TIMP2: variants seen among roughly 807,000 people sequenced by gnomAD.
The protein encoded by TIMP2 is metalloproteinase inhibitor 2.
TIMP2 carries 5 observed loss-of-function variants against 24.3 expected under a neutral mutation model. The ratio of observed to expected loss-of-function variants is 0.21; its 90% confidence interval spans 0.11 to 0.43. The LOEUF is 0.43. Among genes scored for constraint, TIMP2 ranks in the 20% least tolerant of loss-of-function variants. The pLI, the probability that TIMP2 is intolerant of heterozygous loss-of-function variation, is 1.00. For synonymous variants in TIMP2, 130 were observed against 123.2 expected, an observed-to-expected ratio of 1.06 and a Z score of -0.37; for missense variants, 221 against 297.5, an observed-to-expected ratio of 0.74 and a Z score of 1.89.
chr17:78,891,740 G>T lies in TIMP2; in HGVS notation c.131-17821C>A. The T allele has an allele frequency of 6.4e-7, 1 of 1,551,212 alleles. No individual in the cohort carries two copies. The highest frequency in any genetic ancestry group is 8.7e-7 in the Non-Finnish European group (1 of 1,147,136). On this transcript the variant is annotated intron_variant, in intron 1 of 4. Coordinates refer to ENST00000262768, the MANE Select transcript of TIMP2 (RefSeq NM_003255.5). This position sits in a 1 kb window ranked among gnomAD's most constrained non-coding sequence, Gnocchi z 4.5. ...GATTTCTCCCACAGCAGCCACGAGT[G>T]GGTTTGACCTTTCTAGGTCCGCCCC... is the stretch of plus-strand genomic sequence containing the variant.
chr17:78,925,103 CTGG>C lies in TIMP2; in HGVS notation c.-18_-16del. ...GCGGCGCCCATGGCGGGCCGGGGGG[CTGG>C]GCGGGCGGGGGCCGCCGCTGGGGGG... On this transcript the variant is annotated 5_prime_UTR_variant, in exon 1 of 5. Transcript: ENST00000262768. The C allele has an allele frequency of 1.6e-5, 1 of 64,310 alleles. No individual in the cohort carries two copies. The highest frequency in any genetic ancestry group is 3.0e-5 in the Non-Finnish European group (1 of 33,182). The allele number at this position is 64,310 out of a possible 1,614,324, so 4.0% of individuals were successfully genotyped here.
chr17:78,910,435 C>A (rs932817388), intron 1 of TIMP2, among the ~76,000 whole-genome samples: 1 of 152,202 alleles, frequency 6.6e-6, no homozygotes, highest in Non-Finnish European at 1.5e-5. Flanking sequence ...TCAGGTGATC[C>A]GCCCACCTTG....
chr17:78,892,611 C>T, intron 1 of TIMP2: 1 of 1,171,690 alleles, frequency 8.5e-7, no homozygotes, highest in Non-Finnish European at 1.2e-6. Flanking sequence ...CCAGGGCCCA[C>T]TCTCAGCCTC....
chr17:78,923,396 T>TGGGGGGGGGGGGGGGGGGGGGGG (rs1255104339), intron 1 of TIMP2, among the ~76,000 whole-genome samples: 8 of 47,684 alleles, frequency 1.7e-4, no homozygotes, highest in Admixed American at 4.5e-4. Context: ...TGGGGCGGGG[T>TGGGGGGGGGGGGGGGGGGGGGGG]GGGGGGGGGG....
intron 1 of TIMP2, among the ~76,000 whole-genome samples, chr17:78,886,295 G>T (rs755240336): frequency 3.3e-5 from 5 of 152,110 alleles, no homozygotes; most frequent in Admixed American, 2.0e-4. Flanking sequence ...TTTGAAAATG[G>T]AAACAAAAAT....
rs1361463472 is a variant in TIMP2, at chr17:78,893,248, A to G, written c.131-19329T>C. ...GGGTGTGTGTGCATGTGTGTGTAGG[A>G]GTGTGTGTGCAGGGGTGTGTGTGTA... On this transcript the variant is annotated intron_variant, in intron 1 of 4. Transcript: ENST00000262768. 3.6e-3 allele frequency among the ~76,000 whole-genome samples: 230 copies of G among 63,298 alleles called. 1 individual carries two copies. Among genetic ancestry groups the G allele is most frequent in the African/African-American group, 0.014 (215 of 15,576 alleles). 41.5% of individuals were successfully genotyped at this position (63,298 alleles called of 152,430 possible). A position where few individuals can be genotyped will look rare whatever the true frequency, so the allele number is the denominator to read the frequency against.
At chr17:78,923,396 TGGGGGGGGGGGC>T (rs2070323165) in intron 1 of TIMP2, among the ~76,000 whole-genome samples, 1 of 47,662 alleles carries the variant, frequency 2.1e-5, no homozygotes. Context: ...TGGGGCGGGG[TGGGGGGGGGGGC>T]GGGAGGGGGA....
chr17:78,906,964 T>C (rs1162376251), intron 1 of TIMP2, among the ~76,000 whole-genome samples: 1 of 152,246 alleles, frequency 6.6e-6, no homozygotes, highest in Non-Finnish European at 1.5e-5. Flanking sequence ...CTTGGCTGTT[T>C]GGCACAAAAG....
chr17:78,916,325 C>T (rs1182274498), intron 1 of TIMP2, among the ~76,000 whole-genome samples: 2 of 152,206 alleles, frequency 1.3e-5, no homozygotes, highest in Non-Finnish European at 2.9e-5. Flanking sequence ...CTACTGCTGG[C>T]TCCCTTCCCC....
Position 78,925,178 on chromosome 17 carries a change from G to A in TIMP2, c.-90C>T. The A allele has an allele frequency of 2.4e-6, 1 of 418,002 alleles. No individual in the cohort carries two copies. The highest frequency in any genetic ancestry group is 3.2e-6 in the Non-Finnish European group (1 of 313,678). 25.9% of individuals were successfully genotyped at this position (418,002 alleles called of 1,614,324 possible). A position where few individuals can be genotyped will look rare whatever the true frequency, so the allele number is the denominator to read the frequency against. On this transcript the variant is annotated 5_prime_UTR_variant, in exon 1 of 5. Transcript: ENST00000262768. Reference sequence around the variant, plus strand: ...CGGGCTGGGGGCGCGGGCGGGGGCTGAGCCGGGGCCGAGGCGGGCCCCTCC... The same window carrying A: ...CGGGCTGGGGGCGCGGGCGGGGGCTAAGCCGGGGCCGAGGCGGGCCCCTCC...
At chr17:78,862,563 T>C (rs1027866799) in intron 3 of TIMP2, among the ~76,000 whole-genome samples, 7 of 152,250 alleles carry the variant, frequency 4.6e-5, no homozygotes, top group Non-Finnish European at 1.0e-4. Context: ...ACAATCTTTG[T>C]TGATTTTTAG....
rs139533989 is a variant in TIMP2, at chr17:78,865,906, G to A, written c.340+4992C>T. ...CACTTTTGCACCCAAGAGTCCTTCC[G>A]CAGCGCTGCAGTTTGGCCAGAAAGC... On this transcript the variant is annotated intron_variant, in intron 3 of 4. Transcript: ENST00000262768. Among the ~76,000 whole-genome samples, 1,209 of 152,256 alleles carry A rather than the reference G, an allele frequency of 7.9e-3. 7 individuals carry two copies. The highest frequency in any genetic ancestry group is 0.01 in the Non-Finnish European group (707 of 68,030).
Position 78,896,098 on chromosome 17 carries a change from C to T in TIMP2, c.131-22179G>A, listed in dbSNP as rs1384400385. Among the ~76,000 whole-genome samples, 8 of 152,256 alleles carry T rather than the reference C, an allele frequency of 5.3e-5. 1 individual carries two copies. The highest frequency in any genetic ancestry group is 1.5e-5 in the Non-Finnish European group (1 of 68,048). ...AAGTCTAGAAAATTGCAGCCAGCTC[C>T]ATCCTTCAGGAATCGATCCCCGCTC... On this transcript the variant is annotated intron_variant, in intron 1 of 4. Coordinates refer to ENST00000262768, the MANE Select transcript of TIMP2 (RefSeq NM_003255.5). This position sits in a 1 kb window ranked among gnomAD's most constrained non-coding sequence, Gnocchi z 4.4.
In TIMP2 at chr17:78,896,700, C is replaced by T. The variant is rs1175231047; in HGVS notation, c.131-22781G>A. 2.0e-5 allele frequency among the ~76,000 whole-genome samples: 3 copies of T among 152,152 alleles called. No homozygotes were observed. Among genetic ancestry groups the T allele is most frequent in the Admixed American group, 6.5e-5 (1 of 15,272 alleles). ...TCAGAGAAACCACAGCTCCCCCCTC[C>T]GCAGAAGCCGCGCTCGGAGCAGCAG... is the stretch of plus-strand genomic sequence containing the variant. On this transcript the variant is annotated intron_variant, in intron 1 of 4. Transcript: ENST00000262768. This position sits in a 1 kb window ranked among gnomAD's most constrained non-coding sequence, Gnocchi z 4.4.
At chr17:78,863,880 C>T (rs2069586847) in intron 3 of TIMP2, among the ~76,000 whole-genome samples, 1 of 152,188 alleles carries the variant, frequency 6.6e-6, no homozygotes, top group Non-Finnish European at 1.5e-5. Flanking sequence ...TCAACAACCC[C>T]TCGTGGGGCA....
intron 4 of TIMP2, chr17:78,856,448 T>G (rs1599143147): frequency 6.4e-6 from 1 of 155,328 alleles, no homozygotes; most frequent in South Asian, 2.0e-4. Context: ...CTGGGGGCCG[T>G]CAGGAGGGAG....
In TIMP2 at chr17:78,920,341, C is replaced by T. The variant is rs540346687; in HGVS notation, c.130+4618G>A. On this transcript the variant is annotated intron_variant, in intron 1 of 4. Coordinates refer to ENST00000262768, the MANE Select transcript of TIMP2 (RefSeq NM_003255.5). The surrounding 1 kb of genome is among the most constrained non-coding windows in gnomAD (Gnocchi z 4.5). ...ACAAACGACAGGCCAGGACTGCGTA[C>T]GTGGCTCTGCACCCCCAGAAGGGTG... Among the ~76,000 whole-genome samples the T allele has an allele frequency of 2.6e-5, 4 of 152,336 alleles. No homozygotes were observed. The highest frequency in any genetic ancestry group is 6.5e-5 in the Admixed American group (1 of 15,296).
rs549715207 is a variant in TIMP2, at chr17:78,900,414, A to T, written c.130+24545T>A. Among the ~76,000 whole-genome samples the T allele has an allele frequency of 6.6e-5, 10 of 152,138 alleles. No individual in the cohort carries two copies. In the South Asian group the frequency reaches 2.1e-3, roughly 32 times the overall value. On this transcript the variant is annotated intron_variant, in intron 1 of 4. Coordinates refer to ENST00000262768, the MANE Select transcript of TIMP2 (RefSeq NM_003255.5). Reference sequence around the variant, plus strand: ...CAAAAAATTAGCCAGGTGTGGTGGTATATGCCTGTAATCCCAGCTACTCAG... The same window carrying T: ...CAAAAAATTAGCCAGGTGTGGTGGTTTATGCCTGTAATCCCAGCTACTCAG...
chr17:78,888,115 G>A (rs572059745), intron 1 of TIMP2, among the ~76,000 whole-genome samples: 17 of 151,642 alleles, frequency 1.1e-4, no homozygotes, highest in African/African-American at 3.1e-4. Flanking sequence ...AGATAGGGAG[G>A]GCTAAACCCC....
Sources: allele counts gnomAD v4.1 joint callset (sites outside exome capture counted in the v4.1 genomes callset), GRCh38; gene constraint gnomAD v4.1.1; non-coding constraint Gnocchi (gnomAD v3.1); transcripts MANE v1.5; gene names NCBI Gene and HGNC (gene_info 2026-07-23, HGNC 2026-07-21).